Variants in UNC79 observed in about 807,000 individuals in gnomAD.
UNC79 encodes the protein protein unc-79 homolog.
Under a neutral mutation model 283.1 loss-of-function variants are expected in UNC79, and 37 were observed. The ratio of observed to expected loss-of-function variants is 0.13; its 90% CI spans 0.10 to 0.17. The LOEUF is 0.17. Among genes scored for constraint, UNC79 ranks in the 10% least tolerant of loss-of-function variants. The pLI is 1.00. For missense variants in UNC79, 2,272 were observed against 3,211.1 expected (o/e 0.71, Z 7.07); for synonymous variants, 1,107 against 1,200.2 (o/e 0.92, Z 1.61).
chr14:93,705,386 C>CCGA (rs1257870127), intron 48 of UNC79, among the ~76,000 whole-genome samples: 1 of 144,862 alleles, frequency 6.9e-6, no homozygotes, highest in Admixed American at 6.9e-5. Flanking sequence ...GAGTAGCATA[C>CCGA]CGACCCCTTG....
chr14:93,333,859 T>C (rs1182483781), intron 1 of UNC79, among the ~76,000 whole-genome samples: 2 of 152,200 alleles, frequency 1.3e-5, no homozygotes, highest in Non-Finnish European at 2.9e-5. Flanking sequence ...TATTGCTGTT[T>C]TACAACCAAG....
chr14:93,416,627 A>T (rs2055465588), intron 1 of UNC79, among the ~76,000 whole-genome samples: 1 of 152,168 alleles, frequency 6.6e-6, no homozygotes, highest in South Asian at 2.1e-4. Flanking sequence ...GGGGTGTTAA[A>T]GTCTCCCATT....
chr14:93,494,463 G>C (rs1245085389), intron 5 of UNC79, among the ~76,000 whole-genome samples: 1 of 152,222 alleles, frequency 6.6e-6, no homozygotes, highest in Non-Finnish European at 1.5e-5. Flanking sequence ...ATCTGTTTCA[G>C]ACGTGTTGTG....
chr14:93,478,202 G>A (rs886798702), intron 4 of UNC79, among the ~76,000 whole-genome samples: 3 of 152,112 alleles, frequency 2.0e-5, no homozygotes, highest in African/African-American at 7.2e-5. Context: ...ACAGAGTGAC[G>A]AATCCATCAG....
In UNC79 at chr14:93,612,703, G is replaced by A. The variant is rs573531272; in HGVS notation, c.3755-94G>A. Reference sequence around the variant, plus strand: ...TGGAGCAGAAAATTTTGTAGACGCAGAAACAAGGGTGCCTTATCAATATCT... The same window carrying A: ...TGGAGCAGAAAATTTTGTAGACGCAAAAACAAGGGTGCCTTATCAATATCT... On this transcript the variant is annotated intron_variant, in intron 26 of 48. Transcript: ENST00000555664. 15 of 1,501,986 alleles carry A rather than the reference G, an allele frequency of 1.0e-5. No individual in the cohort carries two copies. The African/African-American group carries it at 1.4e-4, about 14-fold the overall frequency. The allele number at this position is 1,501,986 out of a possible 1,614,324, so 93.0% of individuals were successfully genotyped here.
chr14:93,539,329 T>C (rs1176202812), intron 12 of UNC79, among the ~76,000 whole-genome samples: 1 of 149,004 alleles, frequency 6.7e-6, no homozygotes, highest in Non-Finnish European at 1.5e-5. Context: ...GAGACCAGCC[T>C]GACCAACATG....
At chr14:93,382,867 T>C (rs1392970876) in intron 1 of UNC79, among the ~76,000 whole-genome samples, 1 of 152,182 alleles carries the variant, frequency 6.6e-6, no homozygotes, top group African/African-American at 2.4e-5. Context: ...CAAAATACTT[T>C]ACACTCCATG....
chr14:93,542,405 C>T, intron 13 of UNC79, 61 bp from the exon 14 acceptor site: 1 of 1,504,858 alleles, frequency 6.6e-7, no homozygotes, highest in Non-Finnish European at 9.0e-7. Context: ...CTTAATGCAC[C>T]TATAATAATT....
intron 14 of UNC79, among the ~76,000 whole-genome samples, chr14:93,568,038 C>T (rs1454515030): frequency 6.6e-6 from 1 of 152,160 alleles, no homozygotes; most frequent in African/African-American, 2.4e-5. Context: ...GTCAGATATG[C>T]ACCTATCTCA....
chr14:93,620,093 AGG>A (rs2067015121), intron 29 of UNC79, among the ~76,000 whole-genome samples: 1 of 152,256 alleles, frequency 6.6e-6, no homozygotes, highest in African/African-American at 2.4e-5. Flanking sequence ...CAAGTTCAAC[AGG>A]CACTCAAAGT....
At chr14:93,373,764 C>T (rs2054501742) in intron 1 of UNC79, among the ~76,000 whole-genome samples, 1 of 152,158 alleles carries the variant, frequency 6.6e-6, no homozygotes, top group East Asian at 1.9e-4. Context: ...GCAAGGCCAG[C>T]ATTACCTAAT....
At chr14:93,354,082 A>T (rs958481387) in intron 1 of UNC79, among the ~76,000 whole-genome samples, 2 of 152,194 alleles carry the variant, frequency 1.3e-5, no homozygotes, top group African/African-American at 2.4e-5. Context: ...GAATGGGGGA[A>T]AAAAACTAAA....
intron 14 of UNC79, among the ~76,000 whole-genome samples, chr14:93,543,668 C>T (rs1217087549): frequency 6.6e-6 from 1 of 152,024 alleles, no homozygotes; most frequent in Admixed American, 6.6e-5. Flanking sequence ...TGTGAGCAGC[C>T]CATATTTTTT....
chr14:93,351,042 C>T (rs905658546), intron 1 of UNC79, among the ~76,000 whole-genome samples: 3 of 151,774 alleles, frequency 2.0e-5, no homozygotes, highest in Non-Finnish European at 4.4e-5. Context: ...GACTCTGTGT[C>T]TGATTAAATT....
intron 31 of UNC79, 103 bp downstream of exon 33, chr14:93,631,011 T>A: frequency 9.5e-7 from 1 of 1,057,646 alleles, no homozygotes; most frequent in Non-Finnish European, 1.4e-6. Context: ...ATATATATTT[T>A]AATGTTGCAT....
intron 46 of UNC79, 43 bp from the exon 50 acceptor site, chr14:93,694,292 A>AT (rs1566936418): frequency 1.3e-6 from 2 of 1,587,216 alleles, no homozygotes; most frequent in South Asian, 2.2e-5. Flanking sequence ...CAAGGTTTCT[A>AT]TATCACTGGA....
At chr14:93,635,746 G>T (rs1180951442) in intron 31 of UNC79, among the ~76,000 whole-genome samples, 1 of 152,152 alleles carries the variant, frequency 6.6e-6, no homozygotes, top group African/African-American at 2.4e-5. Flanking sequence ...CATTGTAAAG[G>T]TTTAGTGTTT....
intron 1 of UNC79, among the ~76,000 whole-genome samples, chr14:93,382,333 G>GTA: frequency 6.6e-6 from 1 of 152,184 alleles, no homozygotes; most frequent in African/African-American, 2.4e-5. Flanking sequence ...GTAAGAGTAT[G>GTA]TGGTAGACAA....
At chr14:93,490,168 G>A (rs2058654609) in intron 5 of UNC79, among the ~76,000 whole-genome samples, 1 of 152,182 alleles carries the variant, frequency 6.6e-6, no homozygotes, top group Non-Finnish European at 1.5e-5. Flanking sequence ...CTGGGTCTGT[G>A]ATGGGAGGGG....
Sources: gnomAD v4.1 joint callset for allele counts (sites outside exome capture counted in the v4.1 genomes callset) on GRCh38, gnomAD v4.1.1 for gene constraint, MANE v1.5 for transcripts, NCBI Gene and HGNC (gene_info 2026-07-23, HGNC 2026-07-21) for gene names.